The following PTPRD variants were observed in gnomAD, a reference collection of about 807,000 sequenced individuals.
The protein encoded by PTPRD is receptor-type tyrosine-protein phosphatase delta.
Under a neutral mutation model 214.5 loss-of-function variants are expected in PTPRD, and 34 were observed. The ratio of observed to expected loss-of-function variants is 0.16; its 90% CI spans 0.12 to 0.21. The LOEUF (loss-of-function observed/expected upper bound fraction) is 0.21, where lower values mean the gene tolerates loss of function less well. PTPRD is among the 10% of genes least tolerant of loss of function. The pLI, the probability that PTPRD is intolerant of heterozygous loss-of-function variation, is 1.00. For synonymous variants in PTPRD, 1,128 were observed against 845.7 expected, an observed-to-expected ratio of 1.33 and a Z score of -5.79; for missense variants, 2,545 against 2,398.7, an observed-to-expected ratio of 1.06 and a Z score of -1.27.
intron 11 of PTPRD, among the ~76,000 whole-genome samples, chr9:8,809,616 G>A (rs1035006067): frequency 2.6e-5 from 4 of 152,156 alleles, no homozygotes; most frequent in African/African-American, 9.7e-5. Context: ...TCTGCAACCA[G>A]AGTCTCTGAG....
intron 34 of PTPRD, among the ~76,000 whole-genome samples, chr9:8,449,041 C>T (rs2095841937): frequency 6.6e-6 from 1 of 152,130 alleles, no homozygotes; most frequent in Non-Finnish European, 1.5e-5. Context: ...TCAAATAGAT[C>T]TAGGCATGAA....
At chr9:9,428,316 G>C (rs995973441) in intron 8 of PTPRD, among the ~76,000 whole-genome samples, 1 of 152,058 alleles carries the variant, frequency 6.6e-6, no homozygotes, top group Non-Finnish European at 1.5e-5. Flanking sequence ...AGACAAAAAA[G>C]GCCATTACAT....
At chr9:9,378,820 T>G (rs1339269938) in intron 9 of PTPRD, among the ~76,000 whole-genome samples, 1 of 152,140 alleles carries the variant, frequency 6.6e-6, no homozygotes, top group Non-Finnish European at 1.5e-5. Flanking sequence ...TCTTTGCTGA[T>G]GTATCCCTTA....
intron 14 of PTPRD, among the ~76,000 whole-genome samples, chr9:8,583,830 T>C (rs1386953375): frequency 6.6e-6 from 1 of 152,226 alleles, no homozygotes; most frequent in Non-Finnish European, 1.5e-5. Context: ...ATTGTTGTTT[T>C]TCTGTACTTT....
intron 44 of PTPRD, among the ~76,000 whole-genome samples, chr9:8,324,829 A>G (rs1832001868): frequency 6.8e-6 from 1 of 147,380 alleles, no homozygotes; most frequent in Non-Finnish European, 1.5e-5. Flanking sequence ...TGTGGTTTTG[A>G]TTTGCATTTC....
At chr9:9,337,243 A>G (rs1277527963) in intron 9 of PTPRD, among the ~76,000 whole-genome samples, 1 of 152,178 alleles carries the variant, frequency 6.6e-6, no homozygotes, top group African/African-American at 2.4e-5. Flanking sequence ...AATCACTATA[A>G]CTAAAGAAAC....
At chr9:9,786,823 T>C (rs1035545439) in intron 5 of PTPRD, among the ~76,000 whole-genome samples, 1 of 152,168 alleles carries the variant, frequency 6.6e-6, no homozygotes, top group Non-Finnish European at 1.5e-5. Context: ...CCCATCTTAA[T>C]ACTAATTTTT....
intron 2 of PTPRD, among the ~76,000 whole-genome samples, chr9:10,413,729 C>A (rs753404225): frequency 6.6e-6 from 1 of 151,862 alleles, no homozygotes; most frequent in African/African-American, 2.4e-5. Context: ...CTACAGTATA[C>A]AAAACAGCAA....
At chr9:9,370,539 C>T (rs200974957) in intron 9 of PTPRD, among the ~76,000 whole-genome samples, 2 of 151,598 alleles carry the variant, frequency 1.3e-5, no homozygotes, top group African/African-American at 4.9e-5. Flanking sequence ...TCTAGATATA[C>T]AATCATGTCA....
At chr9:9,335,488 G>C (rs2044084332) in intron 9 of PTPRD, among the ~76,000 whole-genome samples, 1 of 151,946 alleles carries the variant, frequency 6.6e-6, no homozygotes, top group Non-Finnish European at 1.5e-5. Context: ...CTTTTCACTT[G>C]TATATTAAGA....
At chr9:8,796,934 TTG>T (rs1458026367) in intron 11 of PTPRD, among the ~76,000 whole-genome samples, 1 of 152,056 alleles carries the variant, frequency 6.6e-6, no homozygotes, top group Non-Finnish European at 1.5e-5. Context: ...GTTAAAATTT[TTG>T]TTTTTTTTCT....
At chr9:9,940,910 G>C (rs2091277134) in intron 4 of PTPRD, among the ~76,000 whole-genome samples, 1 of 152,030 alleles carries the variant, frequency 6.6e-6, no homozygotes, top group Admixed American at 6.6e-5. Context: ...AAGAAAAGGT[G>C]ACCATTCCCT....
At chr9:8,896,948 A>T (rs912321475) in intron 11 of PTPRD, among the ~76,000 whole-genome samples, 11 of 152,206 alleles carry the variant, frequency 7.2e-5, no homozygotes, top group African/African-American at 2.7e-4. Context: ...ATTAGTTCTA[A>T]TTTTATATAG....
chr9:9,995,218 T>A (rs1305473325), intron 4 of PTPRD, among the ~76,000 whole-genome samples: 1 of 152,146 alleles, frequency 6.6e-6, no homozygotes, highest in Non-Finnish European at 1.5e-5. Flanking sequence ...GAGCTATTGG[T>A]TTGGCAGCAT....
At chr9:8,394,041 TA>T (rs1450406978) in intron 36 of PTPRD, among the ~76,000 whole-genome samples, 1 of 152,096 alleles carries the variant, frequency 6.6e-6, no homozygotes, top group Non-Finnish European at 1.5e-5. Flanking sequence ...AGCAAACAGC[TA>T]TTTGAACAGA....
chr9:8,772,028 T>C (rs2095248151), intron 11 of PTPRD, among the ~76,000 whole-genome samples: 1 of 152,096 alleles, frequency 6.6e-6, no homozygotes, highest in Non-Finnish European at 1.5e-5. Flanking sequence ...GATGTGATTA[T>C]TATGCATTAT....
intron 21 of PTPRD, among the ~76,000 whole-genome samples, chr9:8,510,487 C>T (rs928798619): frequency 2.6e-5 from 4 of 152,164 alleles, no homozygotes; most frequent in African/African-American, 9.7e-5. Context: ...AATGTGGGCG[C>T]ACTCTTGTCC....
chr9:8,937,952 T>G (rs922331557), intron 11 of PTPRD, among the ~76,000 whole-genome samples: 2 of 152,196 alleles, frequency 1.3e-5, no homozygotes, highest in Non-Finnish European at 2.9e-5. Flanking sequence ...TCCCACTATG[T>G]GTCAATTTCT....
At chr9:9,998,129 A>AAAAATATATATATATATATATAT (rs57991748) in intron 4 of PTPRD, among the ~76,000 whole-genome samples, 1 of 91,460 alleles carries the variant, frequency 1.1e-5, no homozygotes, top group African/African-American at 5.9e-5. Flanking sequence ...AAAAAAAAAA[A>AAAAATATATATATATATATATAT]ATATATATAT....
Sources: allele counts gnomAD v4.1 joint callset (sites outside exome capture counted in the v4.1 genomes callset), GRCh38; gene constraint gnomAD v4.1.1; transcripts MANE v1.5; gene names NCBI Gene and HGNC (gene_info 2026-07-23, HGNC 2026-07-21).